Variants in ZNF175 observed in about 807,000 individuals in gnomAD.
ZNF175 encodes the protein zinc finger protein 175, also known as zinc finger protein OTK18.
Under a neutral mutation model 14.0 loss-of-function variants are expected in ZNF175, and 8 were observed. That is an observed-to-expected ratio of 0.57 (90% CI 0.34 to 1.03). ZNF175 has a LOEUF of 1.03. Ranked by LOEUF, ZNF175 falls within the 50% of genes least tolerant of loss-of-function variation. The pLI is 0.03. For synonymous variants in ZNF175, 255 were observed against 296.8 expected, an observed-to-expected ratio of 0.86 and a Z score of 1.45; for missense variants, 764 against 849.5, an observed-to-expected ratio of 0.90 and a Z score of 1.25.
intron 2 of ZNF175, among the ~76,000 whole-genome samples, chr19:51,577,520 T>A (rs767145959): frequency 1.4e-4 from 22 of 152,200 alleles, no homozygotes; most frequent in Admixed American, 5.9e-4. Flanking sequence ...AATGACATGA[T>A]GTTTTTGTTT....
chr19:51,585,514 C>CT (rs925889952), intron 4 of ZNF175, among the ~76,000 whole-genome samples: 1 of 151,924 alleles, frequency 6.6e-6, no homozygotes, highest in East Asian at 1.9e-4. Flanking sequence ...TAAAAGTGTC[C>CT]TTTTTTTAAA....
intron 4 of ZNF175, among the ~76,000 whole-genome samples, chr19:51,583,100 C>T (rs1982067065): frequency 6.6e-6 from 1 of 152,174 alleles, no homozygotes; most frequent in African/African-American, 2.4e-5. Context: ...GGTGTTCCGC[C>T]TGGCTTGGCC....
At chr19:51,581,345 G>C in intron 2 of ZNF175, 46 bp from the exon 3 acceptor site, 1 of 1,613,876 alleles carries the variant, frequency 6.2e-7, no homozygotes, top group Non-Finnish European at 8.5e-7. Flanking sequence ...ATCCCCACTC[G>C]CCAATGATGA....
In ZNF175 at chr19:51,587,149, A is replaced by G; in HGVS notation, c.818A>G (p.His273Arg). 6.2e-7 allele frequency: 1 copy of G among 1,614,214 alleles called. No individual in the cohort carries two copies. Among genetic ancestry groups the G allele is most frequent in the Non-Finnish European group, 8.5e-7 (1 of 1,180,018 alleles). The part of the protein sequence containing the change: ...HKQSLKQHQI[H>R]TQKKPDGCSE... The stretch of plus-strand genomic sequence containing the variant: ...CAGTCACTCAAGCAACATCAAATTC[A>G]TACTCAGAAGAAACCAGATGGATGT... The change falls in exon 5 of 5, where the codon CAT becomes CGT. Residue 273 changes from histidine to arginine, a missense_variant. Physicochemically the swap from His to Arg is conservative, Grantham distance 29. Coordinates refer to ENST00000262259, the MANE Select transcript of ZNF175 (RefSeq NM_007147.4).
At chr19:51,584,168 T>C (rs1250945365) in intron 4 of ZNF175, among the ~76,000 whole-genome samples, 1 of 152,190 alleles carries the variant, frequency 6.6e-6, no homozygotes, top group East Asian at 1.9e-4. Context: ...ACTCAAAAAG[T>C]AAGTGTATCA....
chr19:51,577,874 A>G (rs980267042), intron 2 of ZNF175, among the ~76,000 whole-genome samples: 74 of 151,374 alleles, frequency 4.9e-4, no homozygotes, highest in Admixed American at 2.2e-3. Context: ...CGTGTTAGCC[A>G]GGATGGTCTC....
intron 1 of ZNF175, 127 bp from the exon 2 acceptor site, chr19:51,573,022 AC>A (rs1981645127): frequency 2.9e-6 from 1 of 346,432 alleles, no homozygotes; most frequent in African/African-American, 2.2e-5. Context: ...CTGACTAATA[AC>A]TAGAGTTGGG....
In ZNF175 at chr19:51,590,748, G is replaced by C. The variant is rs2122582828; in HGVS notation, c.*2281G>C. On this transcript the variant is annotated 3_prime_UTR_variant, in exon 5 of 5. Transcript: ENST00000262259. ...GGAAGAGTCTCACCTGGGGAGTCCA[G>C]GTACAAGGGCTGGCCGGCCGTAGAT... The C allele has an allele frequency of 6.6e-6, 1 of 152,646 alleles. No homozygotes were observed. Among genetic ancestry groups the C allele is most frequent in the South Asian group, 2.1e-4 (1 of 4,828 alleles). The allele number at this position is 152,646 out of a possible 1,614,324, so 9.5% of individuals were successfully genotyped here.
At position 51,581,812 on chromosome 19, in the gene ZNF175, C is replaced by A; in HGVS notation, c.225C>A (p.Val75=). ...GGTATCACATTCCCAACCCAGAGGT[C>A]ATCTTCAGAATGCTAAAAGAAAAGG... ...AVGYHIPNPE[V]IFRMLKEKEP... The change falls in exon 4 of 5, where the codon GTC becomes GTA. Residue 75 remains valine (V), a synonymous_variant. Coordinates refer to ENST00000262259, the MANE Select transcript of ZNF175 (RefSeq NM_007147.4). 6.2e-7 allele frequency: 1 copy of A among 1,613,962 alleles called. No individual in the cohort carries two copies. The highest frequency in any genetic ancestry group is 8.5e-7 in the Non-Finnish European group (1 of 1,179,926).
At chr19:51,581,062 C>T (rs1981980176) in intron 2 of ZNF175, among the ~76,000 whole-genome samples, 1 of 151,866 alleles carries the variant, frequency 6.6e-6, no homozygotes, top group South Asian at 2.1e-4. Context: ...TGTTGAGCAC[C>T]AGAACCCAGC....
At chr19:51,577,175 TAGAA>T (rs1483198245) in intron 2 of ZNF175, among the ~76,000 whole-genome samples, 1 of 152,220 alleles carries the variant, frequency 6.6e-6, no homozygotes, top group Non-Finnish European at 1.5e-5. Context: ...GCATATTTAA[TAGAA>T]AGATGTCACG....
At chr19:51,583,083 G>A (rs1982066231) in intron 4 of ZNF175, among the ~76,000 whole-genome samples, 1 of 151,896 alleles carries the variant, frequency 6.6e-6, no homozygotes, top group African/African-American at 2.4e-5. Flanking sequence ...TCGAACTCCC[G>A]ACCTCAGGTG....
chr19:51,573,166 C>T lies in ZNF175; in HGVS notation c.-164C>T. On this transcript the variant is annotated 5_prime_UTR_variant, in exon 2 of 5. Coordinates refer to ENST00000262259, the MANE Select transcript of ZNF175 (RefSeq NM_007147.4). Reference sequence around the variant, plus strand: ...TTTTCCAAGGCTTCTGCAGAACCCCCAGGTCAGGCCACATCATTGAGGCTG... The same window carrying T: ...TTTTCCAAGGCTTCTGCAGAACCCCTAGGTCAGGCCACATCATTGAGGCTG... The T allele has an allele frequency of 1.4e-6, 1 of 691,030 alleles. No homozygotes were observed. Among genetic ancestry groups the T allele is most frequent in the South Asian group, 1.7e-5 (1 of 58,850 alleles). The allele number at this position is 691,030 out of a possible 1,614,324, so 42.8% of individuals were successfully genotyped here.
At chr19:51,582,593 A>G (rs35692207) in intron 4 of ZNF175, among the ~76,000 whole-genome samples, 61,885 of 152,034 alleles carry the variant, frequency 0.41, 13,323 homozygotes, top group Middle Eastern at 0.58. Flanking sequence ...CACCGCACCC[A>G]GCCTGTTTCA....
rs763181420 is a variant in ZNF175, at chr19:51,587,455, T to C, written c.1124T>C (p.Met375Thr). 2 of 1,614,210 alleles carry C rather than the reference T, an allele frequency of 1.2e-6. No homozygotes were observed. Among genetic ancestry groups the C allele is most frequent in the South Asian group, 1.1e-5 (1 of 91,076 alleles). Residue 375 changes from methionine to threonine, a missense_variant, in exon 5 of 5, where the codon ATG becomes ACG. Transcript: ENST00000262259. ...CHDCGKAFFQ[M>T]LSLFRHQRTH... ...GACTGTGGAAAAGCCTTTTTCCAGATGTTATCTCTCTTCAGACATCAGAGA... is the reference window on the plus strand; with the variant it reads ...GACTGTGGAAAAGCCTTTTTCCAGACGTTATCTCTCTTCAGACATCAGAGA...
At chr19:51,583,016 C>T (rs62113341) in intron 4 of ZNF175, among the ~76,000 whole-genome samples, 17,067 of 152,108 alleles carry the variant, frequency 0.11, 1,321 homozygotes, top group Middle Eastern at 0.17. Flanking sequence ...CCACCATGCC[C>T]GGCTAATTTT....
At chr19:51,576,154 T>G (rs140620234) in intron 2 of ZNF175, among the ~76,000 whole-genome samples, 36,366 of 112,304 alleles carry the variant, frequency 0.32, 4,230 homozygotes, top group East Asian at 0.68. Flanking sequence ...TTTTTTTTGT[T>G]TTTTTTTTTT....
At chr19:51,584,854 A>G (rs1222441419) in intron 4 of ZNF175, among the ~76,000 whole-genome samples, 1 of 152,226 alleles carries the variant, frequency 6.6e-6, no homozygotes, top group Non-Finnish European at 1.5e-5. Context: ...AAGGATATAG[A>G]GAAACTGGAA....
chr19:51,591,668 C>T lies in ZNF175; in HGVS notation c.*3201C>T, dbSNP rs188697708. On this transcript the variant is annotated 3_prime_UTR_variant, in exon 5 of 5. Coordinates refer to ENST00000262259, the MANE Select transcript of ZNF175 (RefSeq NM_007147.4). Reference sequence around the variant, plus strand: ...AGAGAATTTGACGTAAACTCAAGACCGAAAATCTAGGAACAAGAAAAGCCT... The same window carrying T: ...AGAGAATTTGACGTAAACTCAAGACTGAAAATCTAGGAACAAGAAAAGCCT... The T allele has an allele frequency of 1.3e-5, 2 of 152,046 alleles. No individual in the cohort carries two copies. The highest frequency in any genetic ancestry group is 1.3e-4 in the Admixed American group (2 of 15,282). 9.4% of individuals were successfully genotyped at this position (152,046 alleles called of 1,614,324 possible). A position where few individuals can be genotyped will look rare whatever the true frequency, so the allele number is the denominator to read the frequency against.
Sources: gnomAD v4.1 joint callset for allele counts (sites outside exome capture counted in the v4.1 genomes callset) on GRCh38, gnomAD v4.1.1 for gene constraint, MANE v1.5 for transcripts, NCBI Gene and HGNC (gene_info 2026-07-23, HGNC 2026-07-21) for gene names.